Variants in MTUS2 observed in about 807,000 individuals in gnomAD.
MTUS2 encodes microtubule associated scaffold protein 2.
In MTUS2, 40 loss-of-function variants were observed where a neutral mutation model predicts 114.1. That is an observed-to-expected ratio of 0.35 (90% confidence interval 0.27 to 0.46). MTUS2 has a LOEUF of 0.46. Ranked by LOEUF, MTUS2 falls within the 20% of genes least tolerant of loss-of-function variation. The pLI, the probability that MTUS2 is intolerant of heterozygous loss-of-function variation, is 1.00. For synonymous variants in MTUS2, 688 were observed against 672.0 expected (o/e 1.02, Z -0.37); for missense variants, 1,679 against 1,705.4 (o/e 0.98, Z 0.27).
chr13:29,369,680 G>A (rs74642054), intron 8 of MTUS2, among the ~76,000 whole-genome samples: 3 of 152,156 alleles, frequency 2.0e-5, no homozygotes, highest in Non-Finnish European at 4.4e-5. Context: ...CCTGGAGAGA[G>A]TAAAAACACA....
intron 2 of MTUS2, among the ~76,000 whole-genome samples, chr13:28,925,004 A>G (rs1212375681): frequency 2.6e-5 from 4 of 151,952 alleles, no homozygotes; most frequent in Non-Finnish European, 5.9e-5. Flanking sequence ...ATTCCGTTGT[A>G]CACTAAATTG....
intron 2 of MTUS2, among the ~76,000 whole-genome samples, chr13:28,911,042 A>G (rs372463049): frequency 1.6e-4 from 24 of 150,188 alleles, no homozygotes; most frequent in East Asian, 1.4e-3. Context: ...CGCCTGGTTA[A>G]TTTTTTGTAT....
rs541656799 is a variant in MTUS2, at chr13:29,403,576, A to G, written c.3118-36407A>G. Among the ~76,000 whole-genome samples the G allele has an allele frequency of 3.9e-5, 6 of 152,336 alleles. No individual in the cohort carries two copies. The South Asian group carries it at 8.3e-4, about 21-fold the overall frequency. ...CCCAAATGTGAGTGGCCCTCGTCCA[A>G]TTAGTCGAAGGCCCTAAGAGAACAA... On this transcript the variant is annotated intron_variant, in intron 8 of 15. Coordinates refer to ENST00000612955, the MANE Select transcript of MTUS2 (RefSeq NM_001033602.4).
At chr13:29,226,449 A>G (rs897989597) in intron 5 of MTUS2, among the ~76,000 whole-genome samples, 4 of 152,224 alleles carry the variant, frequency 2.6e-5, no homozygotes, top group African/African-American at 4.8e-5. Context: ...CAGATGAAGA[A>G]TTCAGAGAGC....
chr13:28,944,530 G>A (rs1882416875), intron 2 of MTUS2, among the ~76,000 whole-genome samples: 1 of 152,048 alleles, frequency 6.6e-6, no homozygotes, highest in South Asian at 2.1e-4. Flanking sequence ...ATCCTTTGTG[G>A]TCTTGTATAT....
intron 7 of MTUS2, among the ~76,000 whole-genome samples, chr13:29,354,909 C>G (rs550958281): frequency 6.6e-6 from 1 of 152,356 alleles, no homozygotes; most frequent in South Asian, 2.1e-4. Context: ...GTCCTGCTGT[C>G]TGTCACGATG....
At chr13:29,078,082 C>G (rs1184747487) in intron 4 of MTUS2, among the ~76,000 whole-genome samples, 1 of 151,786 alleles carries the variant, frequency 6.6e-6, no homozygotes. Context: ...TTTTGTTGTT[C>G]GAATAGAAAT....
chr13:29,275,945 A>G (rs1262271276), intron 5 of MTUS2, among the ~76,000 whole-genome samples: 1 of 152,244 alleles, frequency 6.6e-6, no homozygotes, highest in Admixed American at 6.5e-5. Context: ...CACATCTAAG[A>G]AACAATTGCC....
intron 6 of MTUS2, among the ~76,000 whole-genome samples, chr13:29,320,113 G>T (rs1235622573): frequency 1.3e-5 from 2 of 152,286 alleles, no homozygotes; most frequent in East Asian, 3.9e-4. Flanking sequence ...AGATTATCCT[G>T]GATTACCCAG....
intron 2 of MTUS2, among the ~76,000 whole-genome samples, chr13:28,945,860 G>A (rs1383388878): frequency 6.6e-6 from 1 of 152,122 alleles, no homozygotes; most frequent in African/African-American, 2.4e-5. Flanking sequence ...TGTTGTGTTT[G>A]CATTTGAGGT....
intron 2 of MTUS2, among the ~76,000 whole-genome samples, chr13:29,021,592 T>A (rs1479925329): frequency 1.3e-5 from 2 of 152,204 alleles, no homozygotes; most frequent in Non-Finnish European, 2.9e-5. Context: ...ATATTTATAC[T>A]TCTGCCCACA....
At chr13:29,418,714 A>G (rs923370358) in intron 8 of MTUS2, among the ~76,000 whole-genome samples, 2 of 152,196 alleles carry the variant, frequency 1.3e-5, no homozygotes, top group African/African-American at 4.8e-5. Context: ...TGACTTACAT[A>G]GAAGAAGGAT....
intron 7 of MTUS2, among the ~76,000 whole-genome samples, chr13:29,357,775 G>T (rs1869872587): frequency 6.6e-6 from 1 of 152,198 alleles, no homozygotes; most frequent in African/African-American, 2.4e-5. Flanking sequence ...ATTCCATTAA[G>T]TCAGAATAAT....
intron 2 of MTUS2, among the ~76,000 whole-genome samples, chr13:29,024,226 T>C (rs950402127): frequency 6.6e-6 from 1 of 152,256 alleles, no homozygotes; most frequent in Non-Finnish European, 1.5e-5. Context: ...GTTTAAAATT[T>C]AGATTTAAGA....
intron 5 of MTUS2, among the ~76,000 whole-genome samples, chr13:29,278,103 G>A (rs1025990997): frequency 2.0e-5 from 3 of 152,160 alleles, no homozygotes; most frequent in Non-Finnish European, 4.4e-5. Flanking sequence ...GGGACAGCGG[G>A]CTGCTATATA....
Position 29,015,119 on chromosome 13 carries a change from G to A in MTUS2, c.-242-9338G>A, listed in dbSNP as rs569608879. ...AACAGAAATCAGATCATTGGTTGCC[G>A]TGGGTTGGAGGACTGTTTGGAGATG... On this transcript the variant is annotated intron_variant, in intron 2 of 15. Coordinates refer to ENST00000612955, the MANE Select transcript of MTUS2 (RefSeq NM_001033602.4). 5.3e-5 allele frequency among the ~76,000 whole-genome samples: 8 copies of A among 152,352 alleles called. No individual in the cohort carries two copies. In the South Asian group the frequency reaches 1.2e-3, roughly 24 times the overall value.
intron 12 of MTUS2, among the ~76,000 whole-genome samples, chr13:29,495,355 CAA>C (rs561721512): frequency 0.033 from 977 of 29,628 alleles, 3 homozygotes; most frequent in African/African-American, 0.11. Context: ...GAGTCTTTGT[CAA>C]AAAAAAAAAA....
intron 5 of MTUS2, among the ~76,000 whole-genome samples, chr13:29,153,561 G>A (rs1457395872): frequency 6.6e-6 from 1 of 152,098 alleles, no homozygotes; most frequent in Non-Finnish European, 1.5e-5. Context: ...TCCAGGAGGG[G>A]AAGGATGGCT....
At chr13:28,993,608 A>T (rs371761692) in intron 2 of MTUS2, among the ~76,000 whole-genome samples, 1 of 152,148 alleles carries the variant, frequency 6.6e-6, no homozygotes, top group Non-Finnish European at 1.5e-5. Flanking sequence ...GTAGGGGTCC[A>T]GTTTCATTCT....
Sources: gnomAD v4.1 joint callset for allele counts (sites outside exome capture counted in the v4.1 genomes callset) on GRCh38, gnomAD v4.1.1 for gene constraint, MANE v1.5 for transcripts, NCBI Gene and HGNC (gene_info 2026-07-23, HGNC 2026-07-21) for gene names.